FRYL: variants seen among roughly 807,000 people sequenced by gnomAD.
FRYL encodes FRY like transcription coactivator.
A neutral mutation model predicts 351.2 loss-of-function variants in FRYL; 150 were observed. The ratio of observed to expected loss-of-function variants is 0.43; its 90% CI spans 0.37 to 0.49. FRYL has a LOEUF of 0.49. Among genes scored for constraint, FRYL ranks in the 20% least tolerant of loss-of-function variants. The probability of loss-of-function intolerance (pLI) is 0.00; values close to 1 mark genes in which losing one functional copy is unlikely to be tolerated. For missense variants in FRYL, 3,036 were observed against 3,619.3 expected (o/e 0.84, Z 4.13); for synonymous variants, 1,153 against 1,257.1 (o/e 0.92, Z 1.75).
intron 43 of FRYL, 30 bp from the exon 44 acceptor site, chr4:48,544,027 T>A: frequency 6.3e-7 from 1 of 1,595,120 alleles, no homozygotes; most frequent in Non-Finnish European, 8.6e-7. Flanking sequence ...GAGTAGGTTG[T>A]TCTTGTTCTT....
intron 12 of FRYL, among the ~76,000 whole-genome samples, chr4:48,602,541 A>G (rs1278553382): frequency 6.6e-6 from 1 of 152,190 alleles, no homozygotes; most frequent in Non-Finnish European, 1.5e-5. Context: ...ATAATCACAA[A>G]TATCTTATAG....
rs765803911 is a variant in FRYL at position 48,580,879 on chromosome 4, T to G, written c.2245A>C (p.Thr749Pro). The G allele has an allele frequency of 6.2e-7, 1 of 1,608,868 alleles. No individual in the cohort carries two copies. The highest frequency in any genetic ancestry group is 8.5e-7 in the Non-Finnish European group (1 of 1,175,922). ...PSILESFIHL[T>P]GADQTTLLYC... ...ACTATAGTTACCTGATCAGCCCCAGTGAGATGTATGAAGCTCTCAAGAATG... is the reference window on the plus strand; with the variant it reads ...ACTATAGTTACCTGATCAGCCCCAGGGAGATGTATGAAGCTCTCAAGAATG... Residue 749 changes from threonine to proline, a missense_variant, in exon 22 of 64, where the codon ACT becomes CCT. Around this residue, in one of 7 missense-constraint regions of FRYL, gnomAD observed 492 missense variants for 551.5 expected, o/e 0.89. Coordinates refer to ENST00000358350, the MANE Select transcript of FRYL (RefSeq NM_015030.2).
In FRYL at chr4:48,567,558, T is replaced by G; in HGVS notation, c.2997-138A>C. The G allele has an allele frequency of 1.7e-6, 1 of 587,764 alleles. No individual in the cohort carries two copies. Among genetic ancestry groups the G allele is most frequent in the Non-Finnish European group, 2.8e-6 (1 of 355,840 alleles). 36.4% of individuals were successfully genotyped at this position (587,764 alleles called of 1,614,324 possible). On this transcript the variant is annotated intron_variant, in intron 27 of 63. Coordinates refer to ENST00000358350, the MANE Select transcript of FRYL (RefSeq NM_015030.2). This position sits in a 1 kb window ranked among gnomAD's most constrained non-coding sequence, Gnocchi z 4.2. The stretch of plus-strand genomic sequence containing the variant: ...CAGCACGCAACTTAATATATGAAAA[T>G]TAAATGAATATGATTTTGCTTACTT...
At position 48,690,232 on chromosome 4, in the gene FRYL, C is replaced by T. The variant is rs576193214; in HGVS notation, c.-203-5437G>A. Among the ~76,000 whole-genome samples the T allele has an allele frequency of 2.7e-4, 41 of 152,134 alleles. No homozygotes were observed. The South Asian group carries it at 8.3e-3, about 31-fold the overall frequency. ...TAGATTGTTTTACAATTTTACTATT[C>T]GTAGTAAAAAGTAGTACTTCTTTTT... On this transcript the variant is annotated intron_variant, in intron 2 of 63. Coordinates refer to ENST00000358350, the MANE Select transcript of FRYL (RefSeq NM_015030.2).
At chr4:48,504,844 A>G (rs200829539) in intron 60 of FRYL, among the ~76,000 whole-genome samples, 1 of 300 alleles carries the variant, frequency 3.3e-3, no homozygotes, top group Admixed American at 0.056. Context: ...TACTATAATA[A>G]ATAGTATAAC....
intron 30 of FRYL, 54 bp from the exon 31 acceptor site, chr4:48,564,156 A>G: frequency 1.3e-6 from 2 of 1,592,162 alleles, no homozygotes; most frequent in Non-Finnish European, 8.6e-7. Flanking sequence ...TTTTTTGTCT[A>G]TTTCCCTATA....
chr4:48,751,348 A>C (rs1337496133), intron 1 of FRYL, among the ~76,000 whole-genome samples: 1 of 152,228 alleles, frequency 6.6e-6, no homozygotes, highest in Non-Finnish European at 1.5e-5. Context: ...AATCTGACTA[A>C]AATCAGAAAC....
intron 25 of FRYL, 37 bp downstream of exon 25, chr4:48,575,080 C>T: frequency 6.2e-7 from 1 of 1,608,394 alleles, no homozygotes; most frequent in South Asian, 1.1e-5. Context: ...CACATTTATT[C>T]TTTTAGGACA....
chr4:48,652,290 T>G (rs11737677), intron 3 of FRYL, among the ~76,000 whole-genome samples: 77,637 of 152,034 alleles, frequency 0.51, 20,272 homozygotes, highest in South Asian at 0.61. Flanking sequence ...AGCTTTATTC[T>G]CACTATAAAA....
At chr4:48,507,726 TA>T (rs1721544446) in intron 59 of FRYL, among the ~76,000 whole-genome samples, 1 of 152,064 alleles carries the variant, frequency 6.6e-6, no homozygotes, top group South Asian at 2.1e-4. Flanking sequence ...GATAGATAGA[TA>T]GATAGATAGA....
At chr4:48,729,938 C>T (rs571690993) in intron 1 of FRYL, among the ~76,000 whole-genome samples, 1 of 152,226 alleles carries the variant, frequency 6.6e-6, no homozygotes, top group South Asian at 2.1e-4. Flanking sequence ...TAATAACAAA[C>T]TTCTCTGAGC....
intron 1 of FRYL, among the ~76,000 whole-genome samples, chr4:48,770,330 T>C (rs1204864525): frequency 6.6e-6 from 1 of 152,206 alleles, no homozygotes; most frequent in Non-Finnish European, 1.5e-5. Flanking sequence ...TACAAATTAC[T>C]AATATTTTAA....
chr4:48,762,175 C>T (rs868287647), intron 1 of FRYL, among the ~76,000 whole-genome samples: 1 of 152,286 alleles, frequency 6.6e-6, no homozygotes, highest in South Asian at 2.1e-4. Flanking sequence ...AAATTAATTT[C>T]TATTGTTTAT....
chr4:48,514,251 T>C lies in FRYL; in HGVS notation c.7937+777A>G, dbSNP rs555716561. 5.9e-5 allele frequency among the ~76,000 whole-genome samples: 9 copies of C among 152,158 alleles called. No homozygotes were observed. In the South Asian group the frequency reaches 1.0e-3, roughly 18 times the overall value. ...AGCTCCAAATTGTTGAATGGGGAAATAGATACACTCACAGAGTGCATGAAG... is the reference window on the plus strand; with the variant it reads ...AGCTCCAAATTGTTGAATGGGGAAACAGATACACTCACAGAGTGCATGAAG... On this transcript the variant is annotated intron_variant, in intron 56 of 63. Coordinates refer to ENST00000358350, the MANE Select transcript of FRYL (RefSeq NM_015030.2).
At chr4:48,678,325 ACCT>A (rs1764062160) in intron 3 of FRYL, among the ~76,000 whole-genome samples, 1 of 152,002 alleles carries the variant, frequency 6.6e-6, no homozygotes, top group Admixed American at 6.6e-5. Context: ...TAAATCTAAG[ACCT>A]AAAACCATAA....
chr4:48,508,612 C>T (rs181932497), intron 59 of FRYL, among the ~76,000 whole-genome samples: 1 of 152,228 alleles, frequency 6.6e-6, no homozygotes, highest in East Asian at 1.9e-4. Context: ...CTGGTCTTGC[C>T]TAGGGTCACT....
intron 54 of FRYL, 148 bp from the exon 55 acceptor site, chr4:48,521,363 A>G: frequency 1.6e-6 from 1 of 608,482 alleles, no homozygotes; most frequent in Non-Finnish European, 2.8e-6. Context: ...AGTCTACACC[A>G]GAATGGGTGT....
chr4:48,742,991 T>A (rs1056105684), intron 1 of FRYL, among the ~76,000 whole-genome samples: 13 of 141,484 alleles, frequency 9.2e-5, no homozygotes, highest in Admixed American at 3.7e-4. Flanking sequence ...TTTTTTTTTT[T>A]TTTTTTTACT....
intron 1 of FRYL, among the ~76,000 whole-genome samples, chr4:48,742,386 T>G (rs1578893795): frequency 6.6e-6 from 1 of 152,260 alleles, no homozygotes; most frequent in South Asian, 2.1e-4. Context: ...TTGTGTAAGT[T>G]TTCCTCCACT....
Sources: allele counts gnomAD v4.1 joint callset (sites outside exome capture counted in the v4.1 genomes callset), GRCh38; gene constraint gnomAD v4.1.1; regional missense constraint gnomAD v4.1.1; non-coding constraint Gnocchi (gnomAD v3.1); transcripts MANE v1.5; gene names NCBI Gene and HGNC (gene_info 2026-07-23, HGNC 2026-07-21).